Variants in COLEC12 observed in about 807,000 individuals in gnomAD.
COLEC12 encodes collectin subfamily member 12.
In COLEC12, 33 loss-of-function variants were observed where a neutral mutation model predicts 71.1. The observed-to-expected ratio is 0.46, with a 90% CI of 0.35 to 0.62. The LOEUF (loss-of-function observed/expected upper bound fraction) is 0.62, where lower values mean the gene tolerates loss of function less well. Ranked by LOEUF, COLEC12 falls within the 20% of genes least tolerant of loss-of-function variation. The pLI, the probability that COLEC12 is intolerant of heterozygous loss-of-function variation, is 0.00. For missense variants in COLEC12, 765 were observed against 916.1 expected, an observed-to-expected ratio of 0.84 and a Z score of 2.13; for synonymous variants, 350 against 353.0, an observed-to-expected ratio of 0.99 and a Z score of 0.10.
At chr18:487,866 A>C (rs975705038) in intron 1 of COLEC12, among the ~76,000 whole-genome samples, 7 of 152,252 alleles carry the variant, frequency 4.6e-5, no homozygotes, top group Admixed American at 3.3e-4. Flanking sequence ...CCACCAGCAC[A>C]AAAGTTTCCA....
chr18:385,509 GA>G (rs1598346921), intron 2 of COLEC12, among the ~76,000 whole-genome samples: 1 of 152,010 alleles, frequency 6.6e-6, no homozygotes, highest in East Asian at 1.9e-4. Context: ...ATTTTTAGTA[GA>G]AATGGGGTTT....
chr18:376,513 C>T lies in COLEC12; in HGVS notation c.59-18991G>A, dbSNP rs114877163. Among the ~76,000 whole-genome samples, 489 of 152,208 alleles carry T rather than the reference C, an allele frequency of 3.2e-3. 2 individuals are homozygous for T. The highest frequency in any genetic ancestry group is 0.011 in the African/African-American group (456 of 41,518). ...GCACTGTAGTAGAGTTGGCAAGAAG[C>T]GGACAGACTGCATGAGTTTCCTTTC... On this transcript the variant is annotated intron_variant, in intron 2 of 9. Coordinates refer to ENST00000400256, the MANE Select transcript of COLEC12 (RefSeq NM_130386.3).
chr18:320,403 A>G (rs1913674906), intron 9 of COLEC12, among the ~76,000 whole-genome samples: 1 of 152,102 alleles, frequency 6.6e-6, no homozygotes, highest in Admixed American at 6.6e-5. Context: ...TTCCCCCTCA[A>G]CTGACCCAGC....
intron 2 of COLEC12, among the ~76,000 whole-genome samples, chr18:435,978 T>A (rs927373430): frequency 6.6e-6 from 1 of 152,178 alleles, no homozygotes; most frequent in African/African-American, 2.4e-5. Context: ...TCATCTTCCA[T>A]GTGTATGAAA....
intron 2 of COLEC12, among the ~76,000 whole-genome samples, chr18:393,653 G>A (rs1230859066): frequency 1.3e-5 from 2 of 152,162 alleles, no homozygotes; most frequent in Non-Finnish European, 2.9e-5. Context: ...TTTTAGATAA[G>A]TGAAATCCTG....
chr18:333,324 G>A, intron 6 of COLEC12, 181 bp from the exon 7 acceptor site: 1 of 539,474 alleles, frequency 1.9e-6, no homozygotes. Context: ...AAAGTGGACT[G>A]CAGAGCACAA....
intron 2 of COLEC12, among the ~76,000 whole-genome samples, chr18:397,235 C>T (rs572452320): frequency 3.3e-4 from 50 of 152,138 alleles, no homozygotes; most frequent in Non-Finnish European, 6.2e-4. Flanking sequence ...TCTGAGGCCA[C>T]CACCCCTACT....
At chr18:469,429 C>T (rs541163908) in intron 2 of COLEC12, among the ~76,000 whole-genome samples, 2 of 152,324 alleles carry the variant, frequency 1.3e-5, no homozygotes, top group South Asian at 2.1e-4. Flanking sequence ...CAAAAGGCCA[C>T]GTCTCTCCTC....
intron 9 of COLEC12, 121 bp downstream of exon 9, chr18:321,541 G>T: frequency 2.0e-6 from 2 of 992,920 alleles, no homozygotes; most frequent in Non-Finnish European, 3.0e-6. Context: ...TTAATAAATG[G>T]CATAACCAGG....
At chr18:331,131 C>T (rs1016378657) in intron 8 of COLEC12, among the ~76,000 whole-genome samples, 2 of 152,078 alleles carry the variant, frequency 1.3e-5, no homozygotes, top group African/African-American at 2.4e-5. Context: ...TCAAGTGATC[C>T]GCACACCTCA....
intron 2 of COLEC12, among the ~76,000 whole-genome samples, chr18:363,476 T>C (rs2143515157): frequency 6.6e-6 from 1 of 152,266 alleles, no homozygotes; most frequent in South Asian, 2.1e-4. Context: ...AATTGCAAAA[T>C]CCAGAAAACC....
intron 3 of COLEC12, among the ~76,000 whole-genome samples, chr18:355,678 A>G (rs1914615685): frequency 6.6e-6 from 1 of 152,336 alleles, no homozygotes; most frequent in South Asian, 2.1e-4. Flanking sequence ...GAGGCTTAAA[A>G]GTACTTATTA....
At chr18:372,222 G>GT (rs1395548083) in intron 2 of COLEC12, among the ~76,000 whole-genome samples, 8 of 152,058 alleles carry the variant, frequency 5.3e-5, no homozygotes, top group Non-Finnish European at 8.8e-5. Context: ...CACAAAATAG[G>GT]TAATAGATTG....
chr18:479,283 G>A (rs961500766), intron 2 of COLEC12, among the ~76,000 whole-genome samples: 4 of 151,810 alleles, frequency 2.6e-5, no homozygotes, highest in Non-Finnish European at 4.4e-5. Context: ...GCACGGAGGA[G>A]GGGCGACGGG....
At chr18:499,947 G>A (rs2143804692) in intron 1 of COLEC12, among the ~76,000 whole-genome samples, 1 of 152,354 alleles carries the variant, frequency 6.6e-6, no homozygotes, top group South Asian at 2.1e-4. Flanking sequence ...GAATCTGATG[G>A]AGAAAGATGC....
chr18:390,090 A>T (rs1915430622), intron 2 of COLEC12, among the ~76,000 whole-genome samples: 1 of 152,256 alleles, frequency 6.6e-6, no homozygotes, highest in South Asian at 2.1e-4. Flanking sequence ...AAACACACTG[A>T]GACTTATTTC....
Position 334,956 on chromosome 18 carries a change from T to C in COLEC12, c.1602A>G (p.Lys534=), listed in dbSNP as rs1364102149. The C allele has an allele frequency of 5.1e-6, 8 of 1,573,670 alleles. No individual in the cohort carries two copies. The highest frequency in any genetic ancestry group is 6.8e-6 in the Non-Finnish European group (8 of 1,168,020). The change falls in exon 6 of 10, where the codon AAA becomes AAG. Residue 534 remains lysine, a synonymous_variant. Transcript: ENST00000400256. ...GDPGPPGPPG[K]EGLPGPQGPP... ...GGCCCTGAGGGCCGGGGAGTCCCTCTTTGCCTGGTGGGCCCGGGGGGCCTG... is the reference window on the plus strand; with the variant it reads ...GGCCCTGAGGGCCGGGGAGTCCCTCCTTGCCTGGTGGGCCCGGGGGGCCTG...
At chr18:341,060 C>T (rs919978543) in intron 5 of COLEC12, among the ~76,000 whole-genome samples, 28 of 152,202 alleles carry the variant, frequency 1.8e-4, no homozygotes, top group Non-Finnish European at 5.9e-5. Context: ...CCCTGCCTGA[C>T]CCACATTGCA....
chr18:488,810 T>C (rs551455508), intron 1 of COLEC12, among the ~76,000 whole-genome samples: 2 of 151,996 alleles, frequency 1.3e-5, no homozygotes, highest in East Asian at 1.9e-4. Flanking sequence ...GAGGCAGAGG[T>C]TGCAATGAGC....
Sources: gnomAD v4.1 joint callset for allele counts (sites outside exome capture counted in the v4.1 genomes callset) on GRCh38, gnomAD v4.1.1 for gene constraint, MANE v1.5 for transcripts, NCBI Gene and HGNC (gene_info 2026-07-23, HGNC 2026-07-21) for gene names.